NAALADL2: variants seen among roughly 807,000 people sequenced by gnomAD.
NAALADL2 encodes inactive N-acetylated-alpha-linked acidic dipeptidase-like protein 2.
A neutral mutation model predicts 87.2 loss-of-function variants in NAALADL2; 76 were observed. The ratio of observed to expected loss-of-function variants is 0.87; its 90% CI spans 0.72 to 1.05. The LOEUF is 1.05. Among genes scored for constraint, NAALADL2 ranks in the 50% least tolerant of loss-of-function variants. The pLI is 0.00. For synonymous variants in NAALADL2, 354 were observed against 331.0 expected, an observed-to-expected ratio of 1.07 and a Z score of -0.75; for missense variants, 1,089 against 945.8, an observed-to-expected ratio of 1.15 and a Z score of -1.99.
intron 9 of NAALADL2, among the ~76,000 whole-genome samples, chr3:175,542,483 C>A (rs1301979755): frequency 6.6e-6 from 1 of 152,202 alleles, no homozygotes; most frequent in African/African-American, 2.4e-5. Context: ...GAAAAGACAG[C>A]CCTCCATTGT....
intron 1 of NAALADL2, among the ~76,000 whole-genome samples, chr3:174,967,709 C>T (rs1001106356): frequency 1.3e-5 from 2 of 152,124 alleles, no homozygotes; most frequent in East Asian, 1.9e-4. Flanking sequence ...GTGATTGAGG[C>T]GACCTTGGAC....
chr3:174,898,563 A>G (rs1390674002), intron 1 of NAALADL2, among the ~76,000 whole-genome samples: 1 of 152,098 alleles, frequency 6.6e-6, no homozygotes, highest in Non-Finnish European at 1.5e-5. Context: ...GCTATTCTCC[A>G]TGATGTACTT....
chr3:175,421,455 G>A (rs984640035), intron 5 of NAALADL2, among the ~76,000 whole-genome samples: 5 of 152,004 alleles, frequency 3.3e-5, no homozygotes, highest in African/African-American at 9.7e-5. Flanking sequence ...TTCAAGAACC[G>A]CTGGTCATTT....
intron 1 of NAALADL2, among the ~76,000 whole-genome samples, chr3:175,035,048 G>A (rs148546117): frequency 1.3e-5 from 2 of 152,122 alleles, no homozygotes; most frequent in African/African-American, 4.8e-5. Context: ...AAGTAATAAA[G>A]GTGGCCATAA....
chr3:175,160,360 C>CTTTTTTTTTTTT lies in NAALADL2; in HGVS notation c.545+63086_545+63097dup, dbSNP rs71164618. ...TATATTATATGTGTATCTTTTCTTT[C>CTTTTTTTTTTTT]TTTTTTTTTTTTTTTTTTTTTTTTT... On this transcript the variant is annotated intron_variant, in intron 2 of 13. Transcript: ENST00000454872. Among the ~76,000 whole-genome samples the CTTTTTTTTTTTT allele has an allele frequency of 6.9e-3, 392 of 57,014 alleles. 69 individuals carry two copies. Among genetic ancestry groups the CTTTTTTTTTTTT allele is most frequent in the Non-Finnish European group, 0.011 (289 of 26,802 alleles). The allele number at this position is 57,014 out of a possible 152,430, so 37.4% of individuals were successfully genotyped here.
At chr3:175,191,406 C>A (rs1477121214) in intron 2 of NAALADL2, among the ~76,000 whole-genome samples, 1 of 152,002 alleles carries the variant, frequency 6.6e-6, no homozygotes, top group Non-Finnish European at 1.5e-5. Flanking sequence ...AGAGTTGGAT[C>A]AATATTTGTA....
intron 11 of NAALADL2, among the ~76,000 whole-genome samples, chr3:175,723,127 C>T (rs1742464555): frequency 6.6e-6 from 1 of 152,122 alleles, no homozygotes; most frequent in Admixed American, 6.6e-5. Context: ...CTGCTCAGTT[C>T]ACAGCATTTA....
intron 5 of NAALADL2, among the ~76,000 whole-genome samples, chr3:175,401,445 A>T (rs1770554438): frequency 6.6e-6 from 1 of 152,160 alleles, no homozygotes; most frequent in South Asian, 2.1e-4. Flanking sequence ...TGTACATACA[A>T]TCAAGTGTCA....
intron 2 of NAALADL2, among the ~76,000 whole-genome samples, chr3:174,672,203 A>T (rs564336612): frequency 6.6e-6 from 1 of 152,038 alleles, no homozygotes; most frequent in African/African-American, 2.4e-5. Flanking sequence ...CATTGGGACA[A>T]TAGCTAAACT....
chr3:174,671,013 C>G (rs1447252160), intron 2 of NAALADL2, among the ~76,000 whole-genome samples: 1 of 152,008 alleles, frequency 6.6e-6, no homozygotes, highest in African/African-American at 2.4e-5. Flanking sequence ...CCTGCTTTAG[C>G]CGTGTAAAAT....
At chr3:174,734,283 T>C (rs1732981791) in intron 2 of NAALADL2, among the ~76,000 whole-genome samples, 1 of 152,226 alleles carries the variant, frequency 6.6e-6, no homozygotes. Context: ...TATGTGTGTG[T>C]ATAGGCAGGT....
chr3:175,229,549 C>A (rs1330790801), intron 2 of NAALADL2, among the ~76,000 whole-genome samples: 1 of 151,916 alleles, frequency 6.6e-6, no homozygotes, highest in East Asian at 1.9e-4. Flanking sequence ...CTGGGAAGTT[C>A]AAGATCAAAG....
chr3:175,123,112 A>G (rs139044887), intron 2 of NAALADL2, among the ~76,000 whole-genome samples: 22 of 152,104 alleles, frequency 1.4e-4, no homozygotes, highest in Admixed American at 5.2e-4. Context: ...TACAATGGCA[A>G]TTAAAGTTCA....
intron 2 of NAALADL2, among the ~76,000 whole-genome samples, chr3:175,170,888 GA>G (rs1254279564): frequency 6.6e-6 from 1 of 151,770 alleles, no homozygotes; most frequent in South Asian, 2.1e-4. Context: ...ACACAAGTGT[GA>G]AAAAACATAT....
chr3:175,469,793 T>A (rs1724601961), intron 8 of NAALADL2, among the ~76,000 whole-genome samples: 2 of 152,012 alleles, frequency 1.3e-5, no homozygotes, highest in Admixed American at 6.6e-5. Flanking sequence ...CTAATGCCTA[T>A]CTTATGAGGG....
At chr3:174,469,810 C>G (rs1290138299) in intron 1 of NAALADL2, among the ~76,000 whole-genome samples, 5 of 152,064 alleles carry the variant, frequency 3.3e-5, no homozygotes, top group Non-Finnish European at 5.9e-5. Context: ...TGTTTTAATT[C>G]TAAGACATAT....
intron 1 of NAALADL2, among the ~76,000 whole-genome samples, chr3:174,505,341 A>G (rs562762791): frequency 1.1e-4 from 16 of 152,332 alleles, no homozygotes; most frequent in Non-Finnish European, 1.0e-4. Flanking sequence ...GACCAATTTA[A>G]CATTGCTTCA....
In NAALADL2 at chr3:175,809,459, T is replaced by A. The variant is rs1429869173; in HGVS notation, c.*6256T>A. ...ACACTGTGCAGGACTAATTTTTTTTTAATAGACATCCAGAAAATAGCCTGG... is the reference window on the plus strand; with the variant it reads ...ACACTGTGCAGGACTAATTTTTTTTAAATAGACATCCAGAAAATAGCCTGG... On this transcript the variant is annotated 3_prime_UTR_variant, in exon 14 of 14. Transcript: ENST00000454872. 1 of 144,446 alleles carries A rather than the reference T, an allele frequency of 6.9e-6. No homozygotes were observed. The highest frequency in any genetic ancestry group is 2.6e-5 in the African/African-American group (1 of 38,006). The allele number at this position is 144,446 out of a possible 1,614,324, so 8.9% of individuals were successfully genotyped here. A position where few individuals can be genotyped will look rare whatever the true frequency, so the allele number is the denominator to read the frequency against.
chr3:175,088,011 T>C (rs1282215734), intron 1 of NAALADL2, among the ~76,000 whole-genome samples: 2 of 152,170 alleles, frequency 1.3e-5, no homozygotes, highest in Non-Finnish European at 2.9e-5. Context: ...TGGTTTTCTT[T>C]CCATTACTGT....
Sources: gnomAD v4.1 joint callset for allele counts (sites outside exome capture counted in the v4.1 genomes callset) on GRCh38, gnomAD v4.1.1 for gene constraint, MANE v1.5 for transcripts, NCBI Gene and HGNC (gene_info 2026-07-23, HGNC 2026-07-21) for gene names.